Variants in SPMIP6 observed in about 807,000 individuals in gnomAD.
The protein encoded by SPMIP6 is ciliated bronchial epithelial protein 1.
chr9:34,380,821 G>T, the SPMIP6 span: 1 of 1,522,916 alleles, frequency 6.6e-7, no homozygotes, highest in Non-Finnish European at 8.8e-7. Context: ...AGCTGGCCGG[G>T]CTGGAAGGGG....
At chr9:34,391,864 A>C in the SPMIP6 span, among the ~76,000 whole-genome samples, 761 of 152,280 alleles carry the variant, frequency 5.0e-3, 7 homozygotes, top group African/African-American at 0.017. Context: ...AAATAAATCA[A>C]GTATACTAAT....
chr9:34,382,605 C>A, the SPMIP6 span: 13 of 592,540 alleles, frequency 2.2e-5, no homozygotes, highest in Non-Finnish European at 3.1e-5. Context: ...AAAATACAAA[C>A]TCTAGTTTCA....
At chr9:34,386,482 T>A in the SPMIP6 span, among the ~76,000 whole-genome samples, 2 of 151,118 alleles carry the variant, frequency 1.3e-5, no homozygotes, top group African/African-American at 4.9e-5. Context: ...TAGTCCCAGC[T>A]ACTCGGGAGG....
At chr9:34,382,108 G>A in the SPMIP6 span, among the ~76,000 whole-genome samples, 3 of 152,136 alleles carry the variant, frequency 2.0e-5, no homozygotes, top group Non-Finnish European at 2.9e-5. Flanking sequence ...TATCACAGAG[G>A]CCAGACTATA....
At chr9:34,391,862 C>T in the SPMIP6 span, among the ~76,000 whole-genome samples, 19 of 152,170 alleles carry the variant, frequency 1.2e-4, no homozygotes, top group African/African-American at 4.1e-4. Context: ...TTAAATAAAT[C>T]AAGTATACTA....
At chr9:34,397,777 C>T in the SPMIP6 span, 2 of 806,640 alleles carry the variant, frequency 2.5e-6, no homozygotes, top group Non-Finnish European at 3.9e-6. Flanking sequence ...CAGAGGATCT[C>T]TCAGCTTCCT....
At chr9:34,382,920 C>A in the SPMIP6 span, 3 of 1,182,152 alleles carry the variant, frequency 2.5e-6, no homozygotes, top group Middle Eastern at 2.1e-4. Flanking sequence ...TACTCTACTC[C>A]AGGATCTGAG....
At chr9:34,388,645 ACTT>A in the SPMIP6 span, among the ~76,000 whole-genome samples, 2 of 152,056 alleles carry the variant, frequency 1.3e-5, no homozygotes, top group Non-Finnish European at 2.9e-5. Flanking sequence ...GTCAGTTACT[ACTT>A]ATTTATCATC....
the SPMIP6 span, chr9:34,380,973 T>G: frequency 6.2e-7 from 1 of 1,608,112 alleles, no homozygotes; most frequent in Non-Finnish European, 8.5e-7. Context: ...TAGTAGTCCA[T>G]CCCGCGCAGA....
chr9:34,381,511 C>T, the SPMIP6 span: 1 of 1,607,808 alleles, frequency 6.2e-7, no homozygotes, highest in East Asian at 2.2e-5. The surrounding 1 kb of genome is among the most constrained non-coding windows in gnomAD (Gnocchi z 4.4). Context: ...AGGGGTCCTC[C>T]CAGAACACCC....
At chr9:34,393,062 T>C in the SPMIP6 span, among the ~76,000 whole-genome samples, 1 of 152,206 alleles carries the variant, frequency 6.6e-6, no homozygotes, top group Non-Finnish European at 1.5e-5. Context: ...ATCATGCAGA[T>C]TTCTCTCATG....
the SPMIP6 span, chr9:34,380,715 A>C: frequency 1.9e-6 from 3 of 1,548,132 alleles, no homozygotes; most frequent in African/African-American, 1.4e-5. Context: ...CTCCCGCCTC[A>C]GTTGTTAGTT....
chr9:34,387,184 A>G, the SPMIP6 span, among the ~76,000 whole-genome samples: 1 of 151,894 alleles, frequency 6.6e-6, no homozygotes, highest in South Asian at 2.1e-4. Flanking sequence ...TATTTTTCAT[A>G]GAGATGGAGT....
chr9:34,397,547 A>G, the SPMIP6 span: 807,396 of 1,613,468 alleles, frequency 0.5, 205,883 homozygotes, highest in Middle Eastern at 0.58. Flanking sequence ...GTGGGTCCTT[A>G]TAGACCTCCT....
At chr9:34,382,921 A>G in the SPMIP6 span, 1 of 1,129,758 alleles carries the variant, frequency 8.9e-7, no homozygotes, top group Admixed American at 1.7e-5. Context: ...ACTCTACTCC[A>G]GGATCTGAGA....
chr9:34,388,307 A>ATTTTTT, the SPMIP6 span, among the ~76,000 whole-genome samples: 1 of 133,792 alleles, frequency 7.5e-6, no homozygotes, highest in African/African-American at 2.8e-5. Flanking sequence ...CTCCCAGCTA[A>ATTTTTT]TTTTTTTTTT....
chr9:34,394,549 G>A, the SPMIP6 span, among the ~76,000 whole-genome samples: 1 of 152,104 alleles, frequency 6.6e-6, no homozygotes, highest in Non-Finnish European at 1.5e-5. Context: ...TCTGTAATAT[G>A]GTGGTTTGTT....
At chr9:34,397,369 A>G in the SPMIP6 span, 3 of 1,037,916 alleles carry the variant, frequency 2.9e-6, no homozygotes, top group Non-Finnish European at 4.4e-6. Flanking sequence ...ACCATTGTAA[A>G]TTCTGTGCCT....
chr9:34,393,799 A>T, the SPMIP6 span, among the ~76,000 whole-genome samples: 6 of 150,436 alleles, frequency 4.0e-5, no homozygotes, highest in South Asian at 2.1e-4. Flanking sequence ...TTCTGGGAAA[A>T]TTTTTTCAGT....
Sources: gnomAD v4.1 joint callset for allele counts (sites outside exome capture counted in the v4.1 genomes callset) on GRCh38, gnomAD v4.1.1 for gene constraint, Gnocchi (gnomAD v3.1) non-coding constraint, MANE v1.5 for transcripts, NCBI Gene and HGNC (gene_info 2026-07-23, HGNC 2026-07-21) for gene names.